Variants in HRK observed in about 807,000 individuals in gnomAD.
The protein encoded by HRK is harakiri, BCL2 interacting protein, also known as activator of apoptosis harakiri.
A neutral mutation model predicts 5.9 loss-of-function variants in HRK; 6 were observed. The ratio of observed to expected loss-of-function variants is 1.02; its 90% CI spans 0.56 to 2.01. The LOEUF (loss-of-function observed/expected upper bound fraction) is 2.01, where lower values mean the gene tolerates loss of function less well. HRK is among the 30% of genes most tolerant of loss of function. The pLI is 0.00. For missense variants in HRK, 133 were observed against 128.3 expected (o/e 1.04, Z -0.18); for synonymous variants, 85 against 65.1 (o/e 1.31, Z -1.47).
chr12:116,876,974 G>A (rs1268554936), intron 1 of HRK, among the ~76,000 whole-genome samples: 1 of 152,184 alleles, frequency 6.6e-6, no homozygotes, highest in Non-Finnish European at 1.5e-5. Context: ...CTCTGCCTCG[G>A]CTTCCCCTTT....
intron 1 of HRK, among the ~76,000 whole-genome samples, chr12:116,873,004 A>G (rs545931543): frequency 1.8e-3 from 271 of 152,344 alleles, no homozygotes; most frequent in Non-Finnish European, 2.5e-3. Flanking sequence ...AAAGGTAGAA[A>G]GGCTTAGAAT....
Position 116,860,372 on chromosome 12 carries a change from A to G in HRK, c.*1151T>C, listed in dbSNP as rs2137241439. The G allele has an allele frequency of 6.6e-6, 1 of 152,322 alleles. No homozygotes were observed. The highest frequency in any genetic ancestry group is 3.4e-3 in the Middle Eastern group (1 of 294). 9.4% of individuals were successfully genotyped at this position (152,322 alleles called of 1,614,324 possible). On this transcript the variant is annotated 3_prime_UTR_variant, in exon 2 of 2. Transcript: ENST00000257572. ...AGTGAGATGCTGGTGCATTTCATTT[A>G]AATGGCCCACTCCCTCCCACAACAT...
chr12:116,869,497 A>G (rs730512), intron 1 of HRK: 144,120 of 152,304 alleles, frequency 0.95, 68,268 homozygotes, highest in African/African-American at 0.98. Context: ...CTCCTCCAGC[A>G]CAGATGCTAT....
intron 1 of HRK, among the ~76,000 whole-genome samples, chr12:116,861,814 A>G (rs866046110): frequency 1.3e-5 from 2 of 152,178 alleles, no homozygotes; most frequent in South Asian, 4.1e-4. Context: ...TGCTTCTCCA[A>G]ATTCAGAACA....
Position 116,859,289 on chromosome 12 carries a change from G to T in HRK, c.*2234C>A, listed in dbSNP as rs1014953897. On this transcript the variant is annotated 3_prime_UTR_variant, in exon 2 of 2. Transcript: ENST00000257572. ...ATCCTCTCACCTTTCATCTTCTCCT[G>T]TGTCTACAGGTGGTCAGCATGCCCC... 1.3e-5 allele frequency: 2 copies of T among 152,216 alleles called. No individual in the cohort carries two copies. The highest frequency in any genetic ancestry group is 2.9e-5 in the Non-Finnish European group (2 of 68,064). The allele number at this position is 152,216 out of a possible 1,614,324, so 9.4% of individuals were successfully genotyped here.
chr12:116,878,480 T>C lies in HRK; in HGVS notation c.*56+2496A>G, dbSNP rs536980488. 5 of 152,390 alleles carry C rather than the reference T, an allele frequency of 3.3e-5. No homozygotes were observed. The highest frequency in any genetic ancestry group is 2.0e-4 in the Admixed American group (3 of 15,300). 9.4% of individuals were successfully genotyped at this position (152,390 alleles called of 1,614,324 possible). A position where few individuals can be genotyped will look rare whatever the true frequency, so the allele number is the denominator to read the frequency against. On this transcript the variant is annotated intron_variant, in intron 1 of 1. Coordinates refer to ENST00000257572, the MANE Select transcript of HRK (RefSeq NM_003806.4). The surrounding 1 kb of genome is among the most constrained non-coding windows in gnomAD (Gnocchi z 4.4). ...TACCAGAGCTGGGAAAAAATGAGTT[T>C]CCCCAAATTAAATCAAAAGCACAAG...
At chr12:116,873,609 G>C (rs1017939383) in intron 1 of HRK, among the ~76,000 whole-genome samples, 1 of 152,050 alleles carries the variant, frequency 6.6e-6, no homozygotes, top group African/African-American at 2.4e-5. Context: ...CAGGGCTCAA[G>C]CAATCTTCCC....
rs1331010757 is a variant in HRK, at chr12:116,871,618, A to T, written c.*56+9358T>A. ...CGTGCCCAGCCAAAAAAAAAAAAAA[A>T]AGTATTATTATTATTTTTTTTTTTT... is the stretch of plus-strand genomic sequence containing the variant. On this transcript the variant is annotated intron_variant, in intron 1 of 1. Transcript: ENST00000257572. 5.8e-5 allele frequency among the ~76,000 whole-genome samples: 7 copies of T among 120,672 alleles called. No individual in the cohort carries two copies. In the East Asian group the frequency reaches 1.7e-3, roughly 30 times the overall value. 79.2% of individuals were successfully genotyped at this position (120,672 alleles called of 152,430 possible).
rs1329746115 is a variant in HRK, at chr12:116,858,238, A to AG, written c.*3284dup. ...GGGGTCTAGGACATGCGCACGGCCT[A>AG]GGACCATGGACAGCAGCCATTGGGG... On this transcript the variant is annotated 3_prime_UTR_variant, in exon 2 of 2. Coordinates refer to ENST00000257572, the MANE Select transcript of HRK (RefSeq NM_003806.4). 1 of 151,786 alleles carries AG rather than the reference A, an allele frequency of 6.6e-6. No individual in the cohort carries two copies. The highest frequency in any genetic ancestry group is 2.4e-5 in the African/African-American group (1 of 41,294). 9.4% of individuals were successfully genotyped at this position (151,786 alleles called of 1,614,324 possible). A position where few individuals can be genotyped will look rare whatever the true frequency, so the allele number is the denominator to read the frequency against.
At chr12:116,877,923 T>G (rs968112475) in intron 1 of HRK, among the ~76,000 whole-genome samples, 1 of 152,192 alleles carries the variant, frequency 6.6e-6, no homozygotes, top group African/African-American at 2.4e-5. Flanking sequence ...AAATTATTAT[T>G]GAGATGGAGT....
intron 1 of HRK, among the ~76,000 whole-genome samples, chr12:116,863,813 C>G (rs1418754692): frequency 6.6e-6 from 1 of 152,106 alleles, no homozygotes; most frequent in South Asian, 2.1e-4. Flanking sequence ...ATCCTCCCAC[C>G]TCAGCCTCTA....
chr12:116,869,448 G>A (rs888371942), intron 1 of HRK: 2 of 152,244 alleles, frequency 1.3e-5, no homozygotes, highest in East Asian at 3.8e-4. Context: ...CTCACATGTA[G>A]AGGGGGCTGA....
rs1246619245 is a variant in HRK, at chr12:116,880,964, T to C, written c.*56+12A>G. ...CTGCCGCGCCCCGGCTCTCGCTCGCTCGCTCGCGTACCTGTTGCTCGCTCC... is the reference window on the plus strand; with the variant it reads ...CTGCCGCGCCCCGGCTCTCGCTCGCCCGCTCGCGTACCTGTTGCTCGCTCC... On this transcript the variant is annotated intron_variant, in intron 1 of 1. Coordinates refer to ENST00000257572, the MANE Select transcript of HRK (RefSeq NM_003806.4). 3 of 1,151,840 alleles carry C rather than the reference T, an allele frequency of 2.6e-6. No homozygotes were observed. Among genetic ancestry groups the C allele is most frequent in the Admixed American group, 4.4e-5 (1 of 22,798 alleles). The allele number at this position is 1,151,840 out of a possible 1,614,324, so 71.4% of individuals were successfully genotyped here.
At chr12:116,880,522 A>G (rs181457135) in intron 1 of HRK, among the ~76,000 whole-genome samples, 1 of 152,282 alleles carries the variant, frequency 6.6e-6, no homozygotes, top group East Asian at 1.9e-4. Flanking sequence ...AGCAAAGGTG[A>G]TGGAGACGGG....
At chr12:116,865,185 T>C (rs1878496889) in intron 1 of HRK, among the ~76,000 whole-genome samples, 2 of 152,092 alleles carry the variant, frequency 1.3e-5, no homozygotes, top group African/African-American at 2.4e-5. Flanking sequence ...ATTCCCTTTT[T>C]CTGATGTCAG....
intron 1 of HRK, among the ~76,000 whole-genome samples, chr12:116,875,111 A>C (rs1206434158): frequency 1.3e-5 from 2 of 152,256 alleles, no homozygotes; most frequent in African/African-American, 4.8e-5. Flanking sequence ...AATTAGTTAC[A>C]TAGCACTTAC....
intron 1 of HRK, among the ~76,000 whole-genome samples, chr12:116,865,452 G>A (rs1369532623): frequency 2.0e-5 from 3 of 152,090 alleles, no homozygotes; most frequent in South Asian, 2.1e-4. Flanking sequence ...TCTAGAACCC[G>A]GGAAGTGGAG....
chr12:116,864,263 T>C (rs1258595350), intron 1 of HRK, among the ~76,000 whole-genome samples: 1 of 152,156 alleles, frequency 6.6e-6, no homozygotes, highest in African/African-American at 2.4e-5. Flanking sequence ...ACAGGTGGGA[T>C]GGAAGGAGAG....
Position 116,862,554 on chromosome 12 carries a change from G to A in HRK, c.*57-1088C>T, listed in dbSNP as rs2137243161. On this transcript the variant is annotated intron_variant, in intron 1 of 1. Transcript: ENST00000257572. The surrounding 1 kb of genome is among the most constrained non-coding windows in gnomAD (Gnocchi z 4.0). The stretch of plus-strand genomic sequence containing the variant: ...GAAAGGAGAATGGTGGTTGCCTAGG[G>A]CCGGGGCGGATAGGAGGAATTGGGG... Among the ~76,000 whole-genome samples the A allele has an allele frequency of 6.6e-6, 1 of 152,320 alleles. No individual in the cohort carries two copies. The highest frequency in any genetic ancestry group is 1.9e-4 in the East Asian group (1 of 5,180).
Sources: gnomAD v4.1 joint callset for allele counts (sites outside exome capture counted in the v4.1 genomes callset) on GRCh38, gnomAD v4.1.1 for gene constraint, Gnocchi (gnomAD v3.1) non-coding constraint, MANE v1.5 for transcripts, NCBI Gene and HGNC (gene_info 2026-07-23, HGNC 2026-07-21) for gene names.